The following BACH2 variants were observed in gnomAD, a reference collection of about 807,000 sequenced individuals.
BACH2 encodes the protein transcription regulator protein BACH2.
Under a neutral mutation model 61.8 loss-of-function variants are expected in BACH2, and 5 were observed. The observed-to-expected ratio is 0.08, with a 90% CI of 0.04 to 0.17. BACH2 has a LOEUF of 0.17. Among genes scored for constraint, BACH2 ranks in the 10% least tolerant of loss-of-function variants. The pLI is 1.00. For missense variants in BACH2, 824 were observed against 1,091.1 expected, an observed-to-expected ratio of 0.76 and a Z score of 3.45; for synonymous variants, 446 against 440.1, an observed-to-expected ratio of 1.01 and a Z score of -0.17.
chr6:89,964,278 T>TA (rs11437724), intron 6 of BACH2, among the ~76,000 whole-genome samples: 92,004 of 148,516 alleles, frequency 0.62, 28,968 homozygotes, highest in African/African-American at 0.73. Flanking sequence ...TATCAGGGGC[T>TA]GGGGGAAGAA....
chr6:90,083,162 A>G lies in BACH2; in HGVS notation c.-13+5799T>C, dbSNP rs141493958. Among the ~76,000 whole-genome samples, 98 of 152,332 alleles carry G rather than the reference A, an allele frequency of 6.4e-4. 1 individual carries two copies. In the East Asian group the frequency reaches 0.017, roughly 27 times the overall value. On this transcript the variant is annotated intron_variant, in intron 5 of 8. Transcript: ENST00000257749. ...TGCCCTGGGTTAAATCTGGGCTCAC[A>G]GAGAGGCATCATTTCACTAGTGACA...
In BACH2 at chr6:90,116,772, C is replaced by T. The variant is rs1017245675; in HGVS notation, c.-161-27663G>A. On this transcript the variant is annotated intron_variant, in intron 4 of 8. Coordinates refer to ENST00000257749, the MANE Select transcript of BACH2 (RefSeq NM_021813.4). ...TAAGTCTTCTTGGTTAAGTAATTTGCGCCTACAGTGACAGAATAGGTCCCT... is the reference window on the plus strand; with the variant it reads ...TAAGTCTTCTTGGTTAAGTAATTTGTGCCTACAGTGACAGAATAGGTCCCT... 38 of 459,652 alleles carry T rather than the reference C, an allele frequency of 8.3e-5. No individual in the cohort carries two copies. In the Admixed American group the frequency reaches 9.2e-4, roughly 11 times the overall value. 28.5% of individuals were successfully genotyped at this position (459,652 alleles called of 1,614,324 possible). A position where few individuals can be genotyped will look rare whatever the true frequency, so the allele number is the denominator to read the frequency against.
At position 89,950,953 on chromosome 6, in the gene BACH2, A is replaced by G; in HGVS notation, c.1153T>C (p.Tyr385His). 1 of 1,572,364 alleles carries G rather than the reference A, an allele frequency of 6.4e-7. No homozygotes were observed. The highest frequency in any genetic ancestry group is 8.6e-7 in the Non-Finnish European group (1 of 1,159,448). ...GITQGDLKTD[Y>H]TPFTGNYGQP... The stretch of plus-strand genomic sequence containing the variant: ...CCATAATTCCCTGTGAAAGGGGTGT[A>G]GTCAGTTTTAAGGTCACCCTGAGTG... Residue 385 changes from tyrosine (Y) to histidine (H), a missense_variant, in exon 7 of 9, where the codon TAC (tyrosine) becomes CAC (histidine). Physicochemically the swap from Tyr to His is moderately conservative, Grantham distance 83. This residue lies in a region of BACH2 where 226 missense variants were observed against 228.5 expected (regional missense o/e 0.99). Coordinates refer to ENST00000257749, the MANE Select transcript of BACH2 (RefSeq NM_021813.4). The surrounding 1 kb of genome is among the most constrained non-coding windows in gnomAD (Gnocchi z 5.3).
intron 6 of BACH2, among the ~76,000 whole-genome samples, chr6:89,981,133 C>T (rs1357694518): frequency 1.9e-4 from 27 of 139,056 alleles, no homozygotes; most frequent in Non-Finnish European, 3.2e-4. Context: ...TCGTGATTCG[C>T]TTTTTTTTTT....
At chr6:90,258,926 G>A (rs1771070622) in intron 2 of BACH2, among the ~76,000 whole-genome samples, 2 of 152,096 alleles carry the variant, frequency 1.3e-5, no homozygotes, top group Non-Finnish European at 2.9e-5. Flanking sequence ...CAGCTTTACT[G>A]AATTCATTCG....
intron 5 of BACH2, among the ~76,000 whole-genome samples, chr6:90,023,589 A>T (rs1469156994): frequency 6.6e-6 from 1 of 152,126 alleles, no homozygotes; most frequent in Non-Finnish European, 1.5e-5. Flanking sequence ...TCTTTATAGC[A>T]GTGTGAGAAC....
chr6:90,103,191 T>TCACA (rs1782753431), intron 4 of BACH2, among the ~76,000 whole-genome samples: 1 of 151,602 alleles, frequency 6.6e-6, no homozygotes, highest in African/African-American at 2.4e-5. Context: ...GATCAAAATA[T>TCACA]CACACTTTGA....
At chr6:90,135,771 T>C (rs765058755) in intron 4 of BACH2, among the ~76,000 whole-genome samples, 4 of 152,170 alleles carry the variant, frequency 2.6e-5, no homozygotes, top group Non-Finnish European at 5.9e-5. Flanking sequence ...CTCTTTGCAT[T>C]AGCCCTCCTC....
chr6:90,210,807 T>C (rs1769319896), intron 3 of BACH2, among the ~76,000 whole-genome samples: 1 of 152,150 alleles, frequency 6.6e-6, no homozygotes. Context: ...GTTGGTTCAA[T>C]GGTCAATCTT....
intron 4 of BACH2, among the ~76,000 whole-genome samples, chr6:90,142,097 T>A (rs1038164433): frequency 2.6e-5 from 4 of 152,192 alleles, no homozygotes; most frequent in Non-Finnish European, 5.9e-5. Context: ...AATTTTTTTT[T>A]AATTCAAATG....
At chr6:90,125,151 A>G (rs1034291817) in intron 4 of BACH2, among the ~76,000 whole-genome samples, 5 of 152,210 alleles carry the variant, frequency 3.3e-5, no homozygotes, top group Non-Finnish European at 5.9e-5. Context: ...CAATGAAAAG[A>G]CACGGAGAAG....
chr6:90,022,280 A>G (rs1562376284), intron 5 of BACH2, among the ~76,000 whole-genome samples: 1 of 152,202 alleles, frequency 6.6e-6, no homozygotes, highest in Non-Finnish European at 1.5e-5. Flanking sequence ...CACTTTTCCT[A>G]TATTTAAATG....
chr6:90,092,893 G>C (rs1782233277), intron 4 of BACH2, among the ~76,000 whole-genome samples: 1 of 152,276 alleles, frequency 6.6e-6, no homozygotes, highest in Non-Finnish European at 1.5e-5. Context: ...GTAGTGATGG[G>C]AGTGCCTTAG....
At chr6:90,234,272 A>G (rs1214343082) in intron 3 of BACH2, among the ~76,000 whole-genome samples, 1 of 152,240 alleles carries the variant, frequency 6.6e-6, no homozygotes, top group Non-Finnish European at 1.5e-5. Context: ...GTGCGGAAAA[A>G]TACTGTCATT....
chr6:89,994,280 T>C lies in BACH2; in HGVS notation c.243+14322A>G, dbSNP rs117546379. On this transcript the variant is annotated intron_variant, in intron 6 of 8. Transcript: ENST00000257749. ...TGTCTGTCAGATACAGTGTCTGACA[T>C]AGAGTCAGACAGTTGGAAAAACATA... 2.4e-3 allele frequency among the ~76,000 whole-genome samples: 373 copies of C among 152,246 alleles called. 8 individuals carry two copies. The East Asian group carries it at 0.025, about 10-fold the overall frequency.
intron 4 of BACH2, among the ~76,000 whole-genome samples, chr6:90,105,386 A>C (rs1381912114): frequency 1.3e-5 from 2 of 152,244 alleles, no homozygotes; most frequent in Non-Finnish European, 2.9e-5. Context: ...TTTTTACAAA[A>C]AATAATTACC....
At chr6:89,936,097 G>A (rs963265622) in intron 8 of BACH2, among the ~76,000 whole-genome samples, 3 of 152,232 alleles carry the variant, frequency 2.0e-5, no homozygotes, top group African/African-American at 7.2e-5. Flanking sequence ...CCAGCAATGG[G>A]TCCAACACTG....
Position 89,959,370 on chromosome 6 carries a change from G to C in BACH2, c.244-7508C>G, listed in dbSNP as rs1774615452. Among the ~76,000 whole-genome samples the C allele has an allele frequency of 4.6e-5, 7 of 152,150 alleles. No homozygotes were observed. In the South Asian group the frequency reaches 1.5e-3, roughly 32 times the overall value. On this transcript the variant is annotated intron_variant, in intron 6 of 8. Transcript: ENST00000257749. ...TCCCCATGATAGAGAGTCATGACTT[G>C]AATCAGTTAACAGACTCAGACTCCC...
chr6:90,227,315 C>G (rs1769948824), intron 3 of BACH2, among the ~76,000 whole-genome samples: 1 of 152,222 alleles, frequency 6.6e-6, no homozygotes, highest in Admixed American at 6.5e-5. Context: ...CACACTCAGA[C>G]CCCGGGCAGC....
Sources: gnomAD v4.1 joint callset for allele counts (sites outside exome capture counted in the v4.1 genomes callset) on GRCh38, gnomAD v4.1.1 for gene constraint, gnomAD v4.1.1 regional missense constraint, Gnocchi (gnomAD v3.1) non-coding constraint, MANE v1.5 for transcripts, NCBI Gene and HGNC (gene_info 2026-07-23, HGNC 2026-07-21) for gene names.